ACOT12: variants seen among roughly 807,000 people sequenced by gnomAD.
ACOT12 encodes the protein acyl-CoA thioesterase 12, also known as acetyl-coenzyme A thioesterase.
ACOT12 carries 51 observed loss-of-function variants against 67.7 expected under a neutral mutation model. That is an observed-to-expected ratio of 0.75 (90% confidence interval 0.60 to 0.95). The LOEUF is 0.95. ACOT12 is among the 40% of genes least tolerant of loss of function. The pLI is 0.00. For missense variants in ACOT12, 734 were observed against 708.1 expected (o/e 1.04, Z -0.41); for synonymous variants, 251 against 244.6 (o/e 1.03, Z -0.24).
chr5:81,335,677 A>G, intron 12 of ACOT12, 91 bp downstream of exon 12: 1 of 1,414,712 alleles, frequency 7.1e-7, no homozygotes, highest in South Asian at 1.3e-5. Context: ...AATGGGTCAC[A>G]CATTGGACGA....
chr5:81,355,910 T>A (rs1438937107), intron 5 of ACOT12, among the ~76,000 whole-genome samples: 1 of 152,154 alleles, frequency 6.6e-6, no homozygotes, highest in East Asian at 1.9e-4. Flanking sequence ...ATGCCTTAGT[T>A]TTCCACAAAA....
At chr5:81,326,269 C>T (rs145147196), downstream of ACOT12, among the ~76,000 whole-genome samples, 485 of 151,894 alleles carry the variant, frequency 3.2e-3, 7 homozygotes, top group East Asian at 0.039. Context: ...GGATTACAGG[C>T]GCATGCCACC....
chr5:81,318,135 G>A, the ACOT12 span, among the ~76,000 whole-genome samples: 28 of 151,932 alleles, frequency 1.8e-4, no homozygotes, highest in Admixed American at 1.4e-3. Flanking sequence ...TGCCTGCCTC[G>A]GCCTCCCAAA....
chr5:81,374,064 C>T (rs535311855), intron 2 of ACOT12, among the ~76,000 whole-genome samples: 38 of 152,124 alleles, frequency 2.5e-4, no homozygotes, highest in Admixed American at 1.1e-3. Context: ...CAGTAGGGGC[C>T]GACAGACACC....
intron 11 of ACOT12, among the ~76,000 whole-genome samples, chr5:81,338,253 T>A (rs900078353): frequency 6.6e-6 from 1 of 152,218 alleles, no homozygotes; most frequent in African/African-American, 2.4e-5. Context: ...TGTAACCAAC[T>A]GATATGGATT....
At chr5:81,393,948 C>T (rs1760934913) in intron 1 of ACOT12, 40 bp downstream of exon 1, 3 of 1,304,022 alleles carry the variant, frequency 2.3e-6, no homozygotes, top group Non-Finnish European at 2.9e-6. Context: ...CTCCCGCAGC[C>T]CCGGTCCCGC....
At chr5:81,370,330 C>T (rs972766125) in intron 3 of ACOT12, among the ~76,000 whole-genome samples, 1 of 152,132 alleles carries the variant, frequency 6.6e-6, no homozygotes, top group African/African-American at 2.4e-5. Context: ...AAAGCCACCA[C>T]CAATGGCATG....
chr5:81,373,618 G>T (rs1760321586), intron 2 of ACOT12, among the ~76,000 whole-genome samples: 1 of 152,222 alleles, frequency 6.6e-6, no homozygotes, highest in South Asian at 2.1e-4. Flanking sequence ...AGATCCACTG[G>T]CTTGAAATTC....
rs1759334764 is a variant in ACOT12, at chr5:81,345,036, T to G, written c.779A>C (p.Glu260Ala). The G allele has an allele frequency of 1.1e-5, 17 of 1,614,010 alleles. No homozygotes were observed. Among genetic ancestry groups the G allele is most frequent in the Non-Finnish European group, 1.4e-5 (17 of 1,179,966 alleles). Residue 260 changes from glutamate to alanine, a missense_variant, in exon 8 of 15, where the codon GAA (glutamate) becomes GCA (alanine). Coordinates refer to ENST00000307624, the MANE Select transcript of ACOT12 (RefSeq NM_130767.3). Reference sequence around the variant, plus strand: ...AAAGGCCTCCACGCGAACTCCAACTTCAACACTGTGAAGGGTGATGCAGGG... The same window carrying G: ...AAAGGCCTCCACGCGAACTCCAACTGCAACACTGTGAAGGGTGATGCAGGG... ...IVNNTFQTCV[E>A]VGVRVEAFDC...
intron 2 of ACOT12, 100 bp downstream of exon 2, chr5:81,385,657 G>GA: frequency 9.3e-7 from 1 of 1,078,734 alleles, no homozygotes; most frequent in Non-Finnish European, 1.4e-6. Flanking sequence ...TAAGAAACAA[G>GA]ATCACTACCT....
At chr5:81,352,889 G>A (rs1249320046) in intron 5 of ACOT12, among the ~76,000 whole-genome samples, 3 of 152,142 alleles carry the variant, frequency 2.0e-5, no homozygotes, top group Non-Finnish European at 2.9e-5. Flanking sequence ...ATTGAAGTGT[G>A]TGTGATAGTG....
At chr5:81,355,565 G>A (rs1477734043) in intron 5 of ACOT12, among the ~76,000 whole-genome samples, 2 of 152,232 alleles carry the variant, frequency 1.3e-5, no homozygotes, top group Non-Finnish European at 2.9e-5. Context: ...CCAAGTCAGA[G>A]GACTTGGTTA....
intron 5 of ACOT12, among the ~76,000 whole-genome samples, chr5:81,358,520 C>T (rs1221343236): frequency 2.0e-5 from 3 of 152,138 alleles, no homozygotes; most frequent in Non-Finnish European, 2.9e-5. Context: ...TTCTTAACAC[C>T]GTCATTTAAT....
chr5:81,334,115 C>T (rs1758918059), intron 12 of ACOT12, among the ~76,000 whole-genome samples: 1 of 152,180 alleles, frequency 6.6e-6, no homozygotes, highest in Admixed American at 6.5e-5. Flanking sequence ...ACTCCATCCT[C>T]CTTCTGGCTC....
At chr5:81,386,995 A>ATTTTTTTTTTTTTTTT (rs869281800) in intron 1 of ACOT12, among the ~76,000 whole-genome samples, 1 of 81,332 alleles carries the variant, frequency 1.2e-5, no homozygotes. Context: ...GATGAGTTCC[A>ATTTTTTTTTTTTTTTT]TTTTTTTTTT....
chr5:81,375,998 A>T (rs1403725226), intron 2 of ACOT12, among the ~76,000 whole-genome samples: 1 of 152,188 alleles, frequency 6.6e-6, no homozygotes, highest in Non-Finnish European at 1.5e-5. Context: ...CTTAATAGAC[A>T]CCTACAAAAC....
Position 81,370,561 on chromosome 5 carries a change from C to A in ACOT12, c.258+1189G>T, listed in dbSNP as rs141602003. On this transcript the variant is annotated intron_variant, in intron 3 of 14. Coordinates refer to ENST00000307624, the MANE Select transcript of ACOT12 (RefSeq NM_130767.3). ...GAAGCAGACACCCACACAAGGAGAA[C>A]ACGTGAAGATGAAGGCAGAGATCGG... Among the ~76,000 whole-genome samples, 722 of 152,284 alleles carry A rather than the reference C, an allele frequency of 4.7e-3. 2 individuals are homozygous for A. The highest frequency in any genetic ancestry group is 8.0e-3 in the Non-Finnish European group (546 of 68,036).
At chr5:81,356,305 A>G (rs908022757) in intron 5 of ACOT12, among the ~76,000 whole-genome samples, 11 of 152,058 alleles carry the variant, frequency 7.2e-5, no homozygotes, top group African/African-American at 2.7e-4. Context: ...TTGACCACTT[A>G]CTATTTCTTC....
chr5:81,314,379 A>G, the ACOT12 span, among the ~76,000 whole-genome samples: 1 of 152,204 alleles, frequency 6.6e-6, no homozygotes, highest in Non-Finnish European at 1.5e-5. Context: ...CTGGGATTAC[A>G]GGCTTGAGCC....
Sources: allele counts gnomAD v4.1 joint callset (sites outside exome capture counted in the v4.1 genomes callset), GRCh38; gene constraint gnomAD v4.1.1; transcripts MANE v1.5; gene names NCBI Gene and HGNC (gene_info 2026-07-23, HGNC 2026-07-21).